The following PDSS2 variants were observed in gnomAD, a reference collection of about 807,000 sequenced individuals.
PDSS2 encodes decaprenyl diphosphate synthase subunit 2.
PDSS2 carries 31 observed loss-of-function variants against 44.5 expected under a neutral mutation model. That is an observed-to-expected ratio of 0.70 (90% CI 0.52 to 0.94). The LOEUF (loss-of-function observed/expected upper bound fraction) is 0.94. PDSS2 is among the 40% of genes least tolerant of loss of function. PDSS2 has a pLI of 0.00. For missense variants in PDSS2, 452 were observed against 482.2 expected (o/e 0.94, Z 0.59); for synonymous variants, 157 against 180.3 (o/e 0.87, Z 1.03).
chr6:107,184,845 T>A (rs1020959846), intron 7 of PDSS2, among the ~76,000 whole-genome samples: 3 of 148,500 alleles, frequency 2.0e-5, no homozygotes, highest in Non-Finnish European at 4.5e-5. Flanking sequence ...TTTTTTTTTT[T>A]ACCAAGTGCT....
At chr6:107,217,388 A>T (rs1045210658) in intron 4 of PDSS2, among the ~76,000 whole-genome samples, 2 of 152,172 alleles carry the variant, frequency 1.3e-5, no homozygotes, top group Admixed American at 6.6e-5. Context: ...AAGTCATAAA[A>T]GGTAATTTAA....
chr6:107,161,575 C>T (rs1351018950), intron 7 of PDSS2, among the ~76,000 whole-genome samples: 2 of 151,998 alleles, frequency 1.3e-5, no homozygotes, highest in African/African-American at 4.8e-5. Flanking sequence ...GAACCATGGC[C>T]CTAGGCTAAA....
intron 6 of PDSS2, among the ~76,000 whole-genome samples, chr6:107,194,517 G>A (rs1311423240): frequency 1.3e-5 from 2 of 152,000 alleles, no homozygotes; most frequent in African/African-American, 4.8e-5. Flanking sequence ...TTTCTGTTTT[G>A]CTTGTAAACT....
intron 1 of PDSS2, among the ~76,000 whole-genome samples, chr6:107,457,582 C>T (rs1583113236): frequency 6.6e-6 from 1 of 152,166 alleles, no homozygotes; most frequent in Non-Finnish European, 1.5e-5. Context: ...TCGTGACAAC[C>T]AAAAATGTCT....
chr6:107,239,311 G>GAAACAAAAACCAAACAA (rs1214013911), intron 4 of PDSS2, among the ~76,000 whole-genome samples: 11 of 152,090 alleles, frequency 7.2e-5, no homozygotes, highest in African/African-American at 2.4e-4. Context: ...AACAAAATTG[G>GAAACAAAAACCAAACAA]AAACAAAGTA....
At chr6:107,156,485 T>C (rs1289723319) in intron 7 of PDSS2, among the ~76,000 whole-genome samples, 1 of 152,164 alleles carries the variant, frequency 6.6e-6, no homozygotes, top group South Asian at 2.1e-4. Context: ...TGAGCCACCA[T>C]GCCTGGCCAG....
chr6:107,229,272 C>T (rs906035615), intron 4 of PDSS2, among the ~76,000 whole-genome samples: 1 of 152,088 alleles, frequency 6.6e-6, no homozygotes, highest in Non-Finnish European at 1.5e-5. Context: ...CTGCAACCTC[C>T]ACCTCCTGGG....
At chr6:107,207,989 T>TTG (rs1554254013) in intron 6 of PDSS2, among the ~76,000 whole-genome samples, 2 of 93,974 alleles carry the variant, frequency 2.1e-5, no homozygotes, top group South Asian at 4.4e-4. Context: ...TTTTTTTTTT[T>TTG]TTTTTTTTTT....
intron 7 of PDSS2, among the ~76,000 whole-genome samples, chr6:107,159,434 T>G (rs1405989840): frequency 1.4e-5 from 2 of 145,746 alleles, no homozygotes; most frequent in Admixed American, 6.9e-5. Context: ...TTTTTTTTTT[T>G]GAGATGGAGT....
intron 1 of PDSS2, among the ~76,000 whole-genome samples, chr6:107,436,068 A>G (rs941483780): frequency 3.5e-4 from 53 of 152,336 alleles, no homozygotes; most frequent in African/African-American, 1.2e-3. Flanking sequence ...TTAAATCAGA[A>G]ACAACTATCT....
At chr6:107,272,987 C>G (rs1193210648) in intron 3 of PDSS2, among the ~76,000 whole-genome samples, 1 of 151,890 alleles carries the variant, frequency 6.6e-6, no homozygotes, top group Non-Finnish European at 1.5e-5. Context: ...GTCGCCCAGG[C>G]TGGAGTGCGG....
chr6:107,335,888 T>C (rs532607601), intron 1 of PDSS2, among the ~76,000 whole-genome samples: 1 of 152,202 alleles, frequency 6.6e-6, no homozygotes, highest in Non-Finnish European at 1.5e-5. Flanking sequence ...TATCAAGGCT[T>C]CCTTGTTGAG....
intron 6 of PDSS2, among the ~76,000 whole-genome samples, chr6:107,197,634 G>A (rs565273185): frequency 1.3e-5 from 2 of 152,176 alleles, no homozygotes; most frequent in Admixed American, 1.3e-4. Context: ...CTATTTTTGA[G>A]AGACTGTATC....
In PDSS2 at chr6:107,276,958, G is replaced by A. The variant is rs532497912; in HGVS notation, c.432-2731C>T. On this transcript the variant is annotated intron_variant, in intron 2 of 7. Coordinates refer to ENST00000369037, the MANE Select transcript of PDSS2 (RefSeq NM_020381.4). Reference sequence around the variant, plus strand: ...CACAGACACATAAATAAATACAGGAGAAACCAGCAAAGGAACAGTCCAGCC... The same window carrying A: ...CACAGACACATAAATAAATACAGGAAAAACCAGCAAAGGAACAGTCCAGCC... Among the ~76,000 whole-genome samples, 3 of 152,292 alleles carry A rather than the reference G, an allele frequency of 2.0e-5. No homozygotes were observed. In the South Asian group the frequency reaches 6.2e-4, roughly 32 times the overall value.
intron 1 of PDSS2, among the ~76,000 whole-genome samples, chr6:107,364,707 G>A (rs1321019163): frequency 6.6e-6 from 1 of 152,232 alleles, no homozygotes; most frequent in African/African-American, 2.4e-5. Flanking sequence ...GCAGTGGGGG[G>A]GCTGAAGGGC....
At chr6:107,269,946 C>T (rs994282425) in intron 3 of PDSS2, among the ~76,000 whole-genome samples, 3 of 152,248 alleles carry the variant, frequency 2.0e-5, no homozygotes, top group Non-Finnish European at 2.9e-5. Flanking sequence ...GAAATACAGG[C>T]GTGAGCCACC....
Position 107,153,120 on chromosome 6 carries a change from G to A in PDSS2, c.*1499C>T, listed in dbSNP as rs1370035587. ...AATGGTTTTATAACTTTTGGGGGAG[G>A]GCTTTAACTAAAATAACTTCATGTA... On this transcript the variant is annotated 3_prime_UTR_variant, in exon 8 of 8. Transcript: ENST00000369037. 6.6e-6 allele frequency: 1 copy of A among 152,462 alleles called. No individual in the cohort carries two copies. The highest frequency in any genetic ancestry group is 1.5e-5 in the Non-Finnish European group (1 of 68,022). 9.4% of individuals were successfully genotyped at this position (152,462 alleles called of 1,614,324 possible).
At chr6:107,242,786 C>G (rs923344507) in intron 4 of PDSS2, among the ~76,000 whole-genome samples, 5 of 152,160 alleles carry the variant, frequency 3.3e-5, no homozygotes, top group African/African-American at 9.7e-5. Context: ...CCTACCTCGG[C>G]CTCCTAAAGT....
intron 1 of PDSS2, among the ~76,000 whole-genome samples, chr6:107,458,434 T>TAAAAAAAAAAAAAAAAAAA (rs1411516622): frequency 2.0e-5 from 1 of 49,368 alleles, no homozygotes; most frequent in South Asian, 3.6e-4. Context: ...AAAAAAAAAC[T>TAAAAAAAAAAAAAAAAAAA]TTTATAAATC....
Sources: allele counts gnomAD v4.1 joint callset (sites outside exome capture counted in the v4.1 genomes callset), GRCh38; gene constraint gnomAD v4.1.1; transcripts MANE v1.5; gene names NCBI Gene and HGNC (gene_info 2026-07-23, HGNC 2026-07-21).